Variants in GPR39 observed in about 807,000 individuals in gnomAD.
GPR39 encodes G protein-coupled receptor 39, also known as zinc sensing receptor.
In GPR39, 23 loss-of-function variants were observed where a neutral mutation model predicts 18.4. The observed-to-expected ratio is 1.25, with a 90% CI of 0.90 to 1.77. The LOEUF (loss-of-function observed/expected upper bound fraction) is 1.77, where lower values mean the gene tolerates loss of function less well. Among genes scored for constraint, GPR39 ranks in the 40% most tolerant of loss-of-function variants. The pLI is 0.00. For synonymous variants in GPR39, 280 were observed against 257.9 expected, an observed-to-expected ratio of 1.09 and a Z score of -0.82; for missense variants, 647 against 602.4, an observed-to-expected ratio of 1.07 and a Z score of -0.78.
intron 1 of GPR39, among the ~76,000 whole-genome samples, chr2:132,441,299 C>A (rs1461690948): frequency 1.3e-5 from 2 of 152,112 alleles, no homozygotes; most frequent in Non-Finnish European, 2.9e-5. Context: ...TACAGATACG[C>A]TGCATTTCAA....
At chr2:132,468,900 G>T (rs980599547) in intron 1 of GPR39, among the ~76,000 whole-genome samples, 3 of 152,198 alleles carry the variant, frequency 2.0e-5, no homozygotes, top group Admixed American at 1.3e-4. Flanking sequence ...TGTCACGTAG[G>T]CAGTCATTTC....
intron 1 of GPR39, among the ~76,000 whole-genome samples, chr2:132,540,412 A>AG (rs1012858203): frequency 1.3e-5 from 2 of 152,080 alleles, no homozygotes; most frequent in African/African-American, 4.8e-5. Context: ...AGGGGAACCC[A>AG]GGGGCACTGC....
chr2:132,531,367 A>G (rs1679627545), intron 1 of GPR39, among the ~76,000 whole-genome samples: 1 of 152,134 alleles, frequency 6.6e-6, no homozygotes, highest in Non-Finnish European at 1.5e-5. Context: ...GTCCTTAGTG[A>G]CCTGCAAAGA....
intron 1 of GPR39, among the ~76,000 whole-genome samples, chr2:132,510,766 T>C (rs560508447): frequency 1.3e-5 from 2 of 152,336 alleles, no homozygotes; most frequent in African/African-American, 4.8e-5. Context: ...ATTGATGTTA[T>C]AATATACAAA....
chr2:132,492,804 T>C (rs1330528820), intron 1 of GPR39, among the ~76,000 whole-genome samples: 1 of 89,036 alleles, frequency 1.1e-5, no homozygotes, highest in African/African-American at 4.0e-5. Context: ...ATATATACCA[T>C]ATATATACAT....
chr2:132,433,089 TAAG>T (rs1680251458), intron 1 of GPR39, among the ~76,000 whole-genome samples: 1 of 152,304 alleles, frequency 6.6e-6, no homozygotes, highest in Non-Finnish European at 1.5e-5. Context: ...AGAAAAAAGT[TAAG>T]AAAAAGATAT....
chr2:132,515,034 C>T (rs924447134), intron 1 of GPR39, among the ~76,000 whole-genome samples: 3 of 152,162 alleles, frequency 2.0e-5, no homozygotes, highest in African/African-American at 7.2e-5. Context: ...ACAAAACAAA[C>T]CTCAAGTTCC....
At chr2:132,627,478 A>G (rs886130143) in intron 1 of GPR39, among the ~76,000 whole-genome samples, 8 of 152,302 alleles carry the variant, frequency 5.3e-5, no homozygotes, top group African/African-American at 1.9e-4. Flanking sequence ...ATATTTATCA[A>G]ATGTCAATAT....
intron 1 of GPR39, among the ~76,000 whole-genome samples, chr2:132,460,186 C>T (rs1210703852): frequency 5.3e-5 from 8 of 152,178 alleles, no homozygotes; most frequent in Admixed American, 5.2e-4. Flanking sequence ...TCCTAAAGAT[C>T]CCTGGTTTAG....
intron 1 of GPR39, among the ~76,000 whole-genome samples, chr2:132,430,724 CA>C (rs2104758623): frequency 6.6e-6 from 1 of 152,264 alleles, no homozygotes; most frequent in Non-Finnish European, 1.5e-5. Context: ...ACAGTGCCGT[CA>C]AGACTGCATG....
intron 1 of GPR39, among the ~76,000 whole-genome samples, chr2:132,490,748 C>T (rs1196252586): frequency 6.6e-6 from 1 of 151,948 alleles, no homozygotes; most frequent in Non-Finnish European, 1.5e-5. Flanking sequence ...TTTCAAGGGA[C>T]TGAGTGGGTT....
chr2:132,609,313 A>G lies in GPR39; in HGVS notation c.857-35788A>G, dbSNP rs187740923. 3.6e-3 allele frequency among the ~76,000 whole-genome samples: 543 copies of G among 152,222 alleles called. 3 individuals are homozygous for G. Among genetic ancestry groups the G allele is most frequent in the African/African-American group, 0.013 (523 of 41,540 alleles). On this transcript the variant is annotated intron_variant, in intron 1 of 1. Transcript: ENST00000329321. ...CTTAGAGTGCTCAGAGGGACTATTT[A>G]CTTAGCACTTGCTCCGTGCCAGGTA... is the stretch of plus-strand genomic sequence containing the variant.
chr2:132,560,671 T>C (rs1182593531), intron 1 of GPR39, among the ~76,000 whole-genome samples: 1 of 152,180 alleles, frequency 6.6e-6, no homozygotes, highest in African/African-American at 2.4e-5. Flanking sequence ...CAGATTCTCT[T>C]TGGCCCCTTC....
chr2:132,508,062 A>G (rs1336208287), intron 1 of GPR39, among the ~76,000 whole-genome samples: 1 of 152,126 alleles, frequency 6.6e-6, no homozygotes, highest in Non-Finnish European at 1.5e-5. Flanking sequence ...CCCCAACCCT[A>G]TAGTCACATG....
chr2:132,555,920 C>T (rs1474530147), intron 1 of GPR39, among the ~76,000 whole-genome samples: 1 of 152,092 alleles, frequency 6.6e-6, no homozygotes, highest in Non-Finnish European at 1.5e-5. Context: ...CTTGAGTGTT[C>T]ATTAGAACTA....
chr2:132,540,031 A>C (rs1272211973), intron 1 of GPR39, among the ~76,000 whole-genome samples: 3 of 152,128 alleles, frequency 2.0e-5, no homozygotes, highest in Non-Finnish European at 4.4e-5. Flanking sequence ...GTTGCTATTA[A>C]GAAGACCAAG....
chr2:132,634,216 G>A (rs1027542512), intron 1 of GPR39, among the ~76,000 whole-genome samples: 5 of 152,086 alleles, frequency 3.3e-5, no homozygotes, highest in African/African-American at 9.7e-5. Flanking sequence ...CTGGAGGTGA[G>A]ATGGTCATAA....
chr2:132,621,963 G>C (rs1681449660), intron 1 of GPR39, among the ~76,000 whole-genome samples: 1 of 152,204 alleles, frequency 6.6e-6, no homozygotes, highest in Non-Finnish European at 1.5e-5. Flanking sequence ...CTGGCGATGA[G>C]AGGGATATGC....
chr2:132,639,046 T>C (rs141836020), intron 1 of GPR39, among the ~76,000 whole-genome samples: 80 of 151,686 alleles, frequency 5.3e-4, no homozygotes, highest in African/African-American at 1.9e-3. Flanking sequence ...GTGTGAATGT[T>C]CTTGCCTGTG....
Sources: gnomAD v4.1 joint callset for allele counts (sites outside exome capture counted in the v4.1 genomes callset) on GRCh38, gnomAD v4.1.1 for gene constraint, MANE v1.5 for transcripts, NCBI Gene and HGNC (gene_info 2026-07-23, HGNC 2026-07-21) for gene names.